ENKUR: variants seen among roughly 807,000 people sequenced by gnomAD.
ENKUR encodes enkurin, TRPC channel interacting protein.
In ENKUR, 19 loss-of-function variants were observed where a neutral mutation model predicts 27.6. That is an observed-to-expected ratio of 0.69 (90% CI 0.48 to 1.01). The LOEUF is 1.01. Ranked by LOEUF, ENKUR falls within the 50% of genes least tolerant of loss-of-function variation. The probability of loss-of-function intolerance (pLI) is 0.00; values close to 1 mark genes in which losing one functional copy is unlikely to be tolerated. For synonymous variants in ENKUR, 117 were observed against 96.9 expected, an observed-to-expected ratio of 1.21 and a Z score of -1.22; for missense variants, 312 against 310.5, an observed-to-expected ratio of 1.00 and a Z score of -0.04.
intron 2 of ENKUR, among the ~76,000 whole-genome samples, chr10:25,045,989 T>C (rs936687264): frequency 2.0e-5 from 3 of 152,230 alleles, no homozygotes; most frequent in Admixed American, 6.5e-5. Context: ...AGTTCAAATA[T>C]AATTTCCAGA....
At chr10:25,022,413 A>G (rs1350169521) in intron 2 of ENKUR, among the ~76,000 whole-genome samples, 4 of 152,190 alleles carry the variant, frequency 2.6e-5, no homozygotes, top group Admixed American at 6.5e-5. Flanking sequence ...ATAAGGTTAT[A>G]TGTAGCCTTT....
intron 3 of ENKUR, among the ~76,000 whole-genome samples, chr10:24,991,347 C>T (rs371580260): frequency 1.3e-5 from 2 of 151,886 alleles, no homozygotes; most frequent in Admixed American, 6.6e-5. Context: ...TTCGTGGTCT[C>T]GTTAAAGAAA....
intron 2 of ENKUR, among the ~76,000 whole-genome samples, chr10:24,998,150 T>A (rs1046302215): frequency 6.6e-6 from 1 of 152,158 alleles, no homozygotes; most frequent in Admixed American, 6.5e-5. Flanking sequence ...AATACTGCCA[T>A]AAAGAGAAGT....
At chr10:25,054,868 G>T (rs1371950955) in intron 2 of ENKUR, among the ~76,000 whole-genome samples, 4 of 151,890 alleles carry the variant, frequency 2.6e-5, no homozygotes, top group Non-Finnish European at 5.9e-5. Flanking sequence ...TAGAGACAGG[G>T]TCTTGCCATA....
At chr10:25,052,983 G>T (rs1376294946) in intron 2 of ENKUR, among the ~76,000 whole-genome samples, 1 of 151,304 alleles carries the variant, frequency 6.6e-6, no homozygotes, top group Non-Finnish European at 1.5e-5. Context: ...TGGTTGGGCT[G>T]GTCTTGAACT....
chr10:24,996,525 C>T (rs1283000513), intron 2 of ENKUR, among the ~76,000 whole-genome samples: 2 of 151,982 alleles, frequency 1.3e-5, no homozygotes, highest in Admixed American at 1.3e-4. Context: ...GCCGTTTTTA[C>T]ACAGCCTCTT....
At chr10:25,023,946 C>T in intron 2 of ENKUR, 3 of 1,614,206 alleles carry the variant, frequency 1.9e-6, no homozygotes, top group Non-Finnish European at 2.5e-6. Flanking sequence ...GGCCTGAAGA[C>T]TGTGAACAGA....
chr10:25,027,410 G>A (rs1357901007), intron 2 of ENKUR, among the ~76,000 whole-genome samples: 4 of 140,924 alleles, frequency 2.8e-5, no homozygotes, highest in South Asian at 2.4e-4. Flanking sequence ...GGTGGCGCAT[G>A]CCTGTAGTCC....
At chr10:25,025,197 C>T in intron 2 of ENKUR, 4 of 1,614,142 alleles carry the variant, frequency 2.5e-6, no homozygotes, top group Non-Finnish European at 3.4e-6. Context: ...ACAAAACTTG[C>T]CCTGTGATTA....
rs1046135903 is a variant in ENKUR, at chr10:24,982,674, T to C, written c.*1696A>G. 4.6e-5 allele frequency: 7 copies of C among 152,124 alleles called. No individual in the cohort carries two copies. Among genetic ancestry groups the C allele is most frequent in the Admixed American group, 1.3e-4 (2 of 15,274 alleles). The allele number at this position is 152,124 out of a possible 1,614,324, so 9.4% of individuals were successfully genotyped here. On this transcript the variant is annotated 3_prime_UTR_variant, in exon 6 of 6. Coordinates refer to ENST00000331161, the MANE Select transcript of ENKUR (RefSeq NM_145010.4). ...TGACCTAGGTATGTATGTGTATGGA[T>C]TGGGGGAGGTTGAACTGGCTCTATC...
chr10:25,038,945 T>A (rs1851035009), intron 2 of ENKUR, among the ~76,000 whole-genome samples: 1 of 152,186 alleles, frequency 6.6e-6, no homozygotes, highest in African/African-American at 2.4e-5. Flanking sequence ...ATGTGTACAG[T>A]GAGAATTACT....
At chr10:25,051,531 G>C (rs2130486742) in intron 2 of ENKUR, among the ~76,000 whole-genome samples, 1 of 152,310 alleles carries the variant, frequency 6.6e-6, no homozygotes, top group South Asian at 2.1e-4. Context: ...GCATGTCACT[G>C]TGAAGGCAGG....
chr10:25,051,886 C>G (rs115289053), intron 2 of ENKUR, among the ~76,000 whole-genome samples: 1 of 152,168 alleles, frequency 6.6e-6, no homozygotes, highest in African/African-American at 2.4e-5. Context: ...AGAGCCTGTC[C>G]CCTGTTCCTC....
chr10:24,988,366 AT>A (rs1371709795), intron 4 of ENKUR, among the ~76,000 whole-genome samples: 1 of 143,012 alleles, frequency 7.0e-6, no homozygotes, highest in African/African-American at 2.6e-5. Flanking sequence ...GTGTATATAT[AT>A]TTATATATGT....
intron 2 of ENKUR, among the ~76,000 whole-genome samples, chr10:25,049,564 G>T (rs1365250964): frequency 1.3e-5 from 2 of 152,124 alleles, no homozygotes; most frequent in Non-Finnish European, 1.5e-5. Flanking sequence ...GAAGCAGGCA[G>T]ATCACCTGAG....
At chr10:25,045,133 A>G (rs905770667) in intron 2 of ENKUR, among the ~76,000 whole-genome samples, 1 of 152,158 alleles carries the variant, frequency 6.6e-6, no homozygotes, top group African/African-American at 2.4e-5. Flanking sequence ...ACTTTTATTC[A>G]TGGTCCATTA....
At chr10:25,023,615 T>A in intron 2 of ENKUR, 1 of 1,614,172 alleles carries the variant, frequency 6.2e-7, no homozygotes, top group Non-Finnish European at 8.5e-7. Flanking sequence ...GTGATTTCCC[T>A]TACTGGGTCC....
upstream of ENKUR, among the ~76,000 whole-genome samples, chr10:25,017,937 A>C (rs1850640897): frequency 6.6e-6 from 1 of 152,216 alleles, no homozygotes; most frequent in Non-Finnish European, 1.5e-5. Context: ...CACTGGCTAA[A>C]GCTTATGAAT....
intron 2 of ENKUR, among the ~76,000 whole-genome samples, chr10:25,051,836 A>G (rs953734305): frequency 1.1e-4 from 17 of 152,220 alleles, no homozygotes; most frequent in African/African-American, 3.1e-4. Context: ...GAGGCTAATG[A>G]CCACAAATCC....
Sources: allele counts gnomAD v4.1 joint callset (sites outside exome capture counted in the v4.1 genomes callset), GRCh38; gene constraint gnomAD v4.1.1; transcripts MANE v1.5; gene names NCBI Gene and HGNC (gene_info 2026-07-23, HGNC 2026-07-21).